The following PBX3 variants were observed in gnomAD, a reference collection of about 807,000 sequenced individuals.
The protein encoded by PBX3 is PBX homeobox 3.
PBX3 carries 14 observed loss-of-function variants against 48.5 expected under a neutral mutation model. That is an observed-to-expected ratio of 0.29 (90% confidence interval 0.19 to 0.45). The LOEUF is 0.45. Ranked by LOEUF, PBX3 falls within the 20% of genes least tolerant of loss-of-function variation. PBX3 has a pLI of 1.00. For synonymous variants in PBX3, 210 were observed against 200.3 expected, an observed-to-expected ratio of 1.05 and a Z score of -0.41; for missense variants, 386 against 546.7, an observed-to-expected ratio of 0.71 and a Z score of 2.93.
intron 2 of PBX3, among the ~76,000 whole-genome samples, chr9:125,768,718 T>G (rs1564644827): frequency 6.6e-6 from 1 of 152,206 alleles, no homozygotes; most frequent in Non-Finnish European, 1.5e-5. Flanking sequence ...ATATCTGGCC[T>G]CATACAGATA....
intron 2 of PBX3, among the ~76,000 whole-genome samples, chr9:125,770,769 A>G (rs1484305911): frequency 1.3e-5 from 2 of 152,220 alleles, no homozygotes; most frequent in African/African-American, 2.4e-5. Flanking sequence ...TGTATTTTGG[A>G]AATATTTGAC....
chr9:125,806,773 T>C (rs978753268), intron 2 of PBX3, among the ~76,000 whole-genome samples: 2 of 152,226 alleles, frequency 1.3e-5, no homozygotes, highest in African/African-American at 4.8e-5. Context: ...TAGAATGAGA[T>C]GAGCATTCAT....
At chr9:125,842,169 C>T (rs1839305792) in intron 2 of PBX3, among the ~76,000 whole-genome samples, 1 of 152,104 alleles carries the variant, frequency 6.6e-6, no homozygotes, top group African/African-American at 2.4e-5. Flanking sequence ...TAAGTCATTT[C>T]TTAAAGCAAA....
At chr9:125,796,879 T>C (rs1489212226) in intron 2 of PBX3, among the ~76,000 whole-genome samples, 1 of 152,096 alleles carries the variant, frequency 6.6e-6, no homozygotes, top group East Asian at 1.9e-4. Context: ...CACACACATA[T>C]TTCCTAATTT....
At chr9:125,927,269 G>A (rs567879574) in intron 3 of PBX3, among the ~76,000 whole-genome samples, 3 of 152,162 alleles carry the variant, frequency 2.0e-5, no homozygotes, top group South Asian at 4.1e-4. Context: ...GAAGAATCCC[G>A]TAAGTATAAT....
chr9:125,798,173 A>G (rs1010686372), intron 2 of PBX3, among the ~76,000 whole-genome samples: 3 of 152,178 alleles, frequency 2.0e-5, no homozygotes, highest in Admixed American at 6.5e-5. Context: ...AAAAGGTACA[A>G]AGTTCACAGT....
At chr9:125,846,606 G>A (rs1410609574) in intron 2 of PBX3, among the ~76,000 whole-genome samples, 1 of 151,860 alleles carries the variant, frequency 6.6e-6, no homozygotes, top group Admixed American at 6.6e-5. Context: ...AGCAAACACA[G>A]CCAACTTATG....
At chr9:125,953,286 G>T (rs1842230515) in intron 5 of PBX3, among the ~76,000 whole-genome samples, 1 of 152,036 alleles carries the variant, frequency 6.6e-6, no homozygotes, top group African/African-American at 2.4e-5. Context: ...AGAATACCCT[G>T]GGCAATATAG....
At chr9:125,928,606 C>T (rs1269969793) in intron 3 of PBX3, among the ~76,000 whole-genome samples, 1 of 151,990 alleles carries the variant, frequency 6.6e-6, no homozygotes, top group East Asian at 1.9e-4. Flanking sequence ...GCTGGGACTA[C>T]AGGCACCCGC....
chr9:125,788,005 T>C (rs1158016922), intron 2 of PBX3, among the ~76,000 whole-genome samples: 1 of 152,218 alleles, frequency 6.6e-6, no homozygotes, highest in Non-Finnish European at 1.5e-5. Flanking sequence ...ATATGCTCCC[T>C]GAAGCCAGAC....
chr9:125,954,318 AT>A (rs1301248126), intron 5 of PBX3, among the ~76,000 whole-genome samples: 5 of 152,250 alleles, frequency 3.3e-5, no homozygotes, highest in African/African-American at 4.8e-5. Flanking sequence ...TAAACTAACT[AT>A]AATGATGGTT....
chr9:125,930,129 G>A (rs1053729398), intron 4 of PBX3, among the ~76,000 whole-genome samples: 3 of 152,158 alleles, frequency 2.0e-5, no homozygotes, highest in Non-Finnish European at 4.4e-5. Context: ...ATGCTAAAAG[G>A]TATTTTTAAG....
intron 4 of PBX3, among the ~76,000 whole-genome samples, chr9:125,933,734 AGTACTGTTG>A (rs1234238272): frequency 2.6e-5 from 4 of 152,142 alleles, no homozygotes; most frequent in African/African-American, 9.7e-5. Flanking sequence ...ACATGGGCCC[AGTACTGTTG>A]GTATCCCAAT....
intron 2 of PBX3, among the ~76,000 whole-genome samples, chr9:125,771,974 G>A (rs753791429): frequency 2.6e-5 from 4 of 152,152 alleles, no homozygotes; most frequent in Non-Finnish European, 5.9e-5. Context: ...TGTTGTGTCT[G>A]CTGGTATAAT....
chr9:125,929,522 T>A (rs1402525420), intron 3 of PBX3, 133 bp from the exon 4 acceptor site: 1 of 580,388 alleles, frequency 1.7e-6, no homozygotes, highest in Non-Finnish European at 2.9e-6. Context: ...TACAAGTGTC[T>A]TAGTTTTCAT....
chr9:125,872,663 G>A (rs1384297912), intron 2 of PBX3, among the ~76,000 whole-genome samples: 1 of 151,968 alleles, frequency 6.6e-6, no homozygotes, highest in Non-Finnish European at 1.5e-5. Context: ...TGGAGGCTGA[G>A]GCAGGAGGAT....
intron 2 of PBX3, among the ~76,000 whole-genome samples, chr9:125,787,580 T>C (rs1023273201): frequency 1.3e-5 from 2 of 152,184 alleles, no homozygotes; most frequent in African/African-American, 4.8e-5. Context: ...TGGGGCTTGC[T>C]TGGCAAATGA....
At chr9:125,812,022 T>C (rs1838304850) in intron 2 of PBX3, among the ~76,000 whole-genome samples, 1 of 152,234 alleles carries the variant, frequency 6.6e-6, no homozygotes, top group Non-Finnish European at 1.5e-5. Context: ...GGGAACTTAT[T>C]TGTCCTTTCT....
At chr9:125,783,582 G>A (rs1214499876) in intron 2 of PBX3, among the ~76,000 whole-genome samples, 1 of 151,946 alleles carries the variant, frequency 6.6e-6, no homozygotes, top group Admixed American at 6.6e-5. Flanking sequence ...CCACCACGTG[G>A]GCCTGATCCC....
Sources: allele counts gnomAD v4.1 joint callset (sites outside exome capture counted in the v4.1 genomes callset), GRCh38; gene constraint gnomAD v4.1.1; transcripts MANE v1.5; gene names NCBI Gene and HGNC (gene_info 2026-07-23, HGNC 2026-07-21).